The following KHDRBS3 variants were observed in gnomAD, a reference collection of about 807,000 sequenced individuals.
The protein encoded by KHDRBS3 is KH RNA binding domain containing, signal transduction associated 3.
Under a neutral mutation model 45.6 loss-of-function variants are expected in KHDRBS3, and 23 were observed. That is an observed-to-expected ratio of 0.50 (90% CI 0.36 to 0.72). The LOEUF is 0.72. Ranked by LOEUF, KHDRBS3 falls within the 30% of genes least tolerant of loss-of-function variation. KHDRBS3 has a pLI of 0.00. For missense variants in KHDRBS3, 352 were observed against 424.8 expected (o/e 0.83, Z 1.51); for synonymous variants, 162 against 156.5 (o/e 1.04, Z -0.26).
At chr8:135,549,078 T>C (rs901742015) in intron 4 of KHDRBS3, 178 bp downstream of exon 4, 1 of 404,750 alleles carries the variant, frequency 2.5e-6, no homozygotes, top group African/African-American at 2.1e-5. Flanking sequence ...ATTCCTTATG[T>C]ATATATGAGG....
At chr8:135,463,446 C>T (rs1056110166) in intron 1 of KHDRBS3, among the ~76,000 whole-genome samples, 5 of 152,092 alleles carry the variant, frequency 3.3e-5, no homozygotes, top group African/African-American at 1.2e-4. Flanking sequence ...AAAAGCATCC[C>T]AGTGCTCTTT....
intron 1 of KHDRBS3, among the ~76,000 whole-genome samples, chr8:135,520,854 C>A (rs906790957): frequency 5.3e-5 from 8 of 152,304 alleles, no homozygotes; most frequent in African/African-American, 1.9e-4. Context: ...AAAAGCCAGG[C>A]AAGATTGGTA....
chr8:135,481,523 T>C lies in KHDRBS3; in HGVS notation c.88+23569T>C, dbSNP rs190155806. ...GTATGCTTTGTGAAGGCAGGGACTG[T>C]GTATGCACGGTGCTTGAAACGAAAT... is the stretch of plus-strand genomic sequence containing the variant. On this transcript the variant is annotated intron_variant, in intron 1 of 8. Transcript: ENST00000355849. 3.9e-5 allele frequency among the ~76,000 whole-genome samples: 6 copies of C among 152,174 alleles called. No individual in the cohort carries two copies. The East Asian group carries it at 9.7e-4, about 25-fold the overall frequency.
At chr8:135,571,268 G>A (rs559594096) in intron 5 of KHDRBS3, among the ~76,000 whole-genome samples, 1 of 152,290 alleles carries the variant, frequency 6.6e-6, no homozygotes, top group South Asian at 2.1e-4. Context: ...AGCTAAGACA[G>A]TTTAGGGCAA....
chr8:135,493,531 T>C (rs1299875027), intron 1 of KHDRBS3, among the ~76,000 whole-genome samples: 1 of 152,194 alleles, frequency 6.6e-6, no homozygotes, highest in African/African-American at 2.4e-5. Flanking sequence ...AAAATACTTT[T>C]CTGCATCTCT....
At chr8:135,621,620 T>C (rs1015950825) in intron 7 of KHDRBS3, among the ~76,000 whole-genome samples, 7 of 152,020 alleles carry the variant, frequency 4.6e-5, no homozygotes, top group Non-Finnish European at 8.8e-5. Context: ...AGTTATTGTT[T>C]AGTGGGTAGA....
intron 7 of KHDRBS3, among the ~76,000 whole-genome samples, chr8:135,641,265 G>T (rs935277134): frequency 6.6e-6 from 1 of 152,300 alleles, no homozygotes; most frequent in Admixed American, 6.5e-5. Flanking sequence ...TTTAATAAAG[G>T]AGGTTTAGTT....
chr8:135,486,227 AT>A (rs1291180683), intron 1 of KHDRBS3, among the ~76,000 whole-genome samples: 2 of 151,900 alleles, frequency 1.3e-5, no homozygotes, highest in Non-Finnish European at 2.9e-5. Flanking sequence ...TAAAGGTATC[AT>A]TTTTTTCTCT....
chr8:135,605,084 A>G (rs949557945), intron 6 of KHDRBS3, among the ~76,000 whole-genome samples: 1 of 152,080 alleles, frequency 6.6e-6, no homozygotes, highest in Non-Finnish European at 1.5e-5. Flanking sequence ...GTCTTTCAGC[A>G]GTTTGACAAT....
chr8:135,475,565 G>C (rs561656982), intron 1 of KHDRBS3, among the ~76,000 whole-genome samples: 10 of 152,076 alleles, frequency 6.6e-5, no homozygotes, highest in Admixed American at 3.3e-4. Flanking sequence ...ACCCTCCTCA[G>C]GCTCCCAAAG....
chr8:135,603,964 C>A (rs1262904392), intron 6 of KHDRBS3, among the ~76,000 whole-genome samples: 1 of 151,524 alleles, frequency 6.6e-6, no homozygotes, highest in Non-Finnish European at 1.5e-5. Flanking sequence ...TCTTTTTTGA[C>A]CTTCTTTCTA....
At chr8:135,470,412 C>T (rs946990159) in intron 1 of KHDRBS3, among the ~76,000 whole-genome samples, 1 of 151,994 alleles carries the variant, frequency 6.6e-6, no homozygotes, top group African/African-American at 2.4e-5. Flanking sequence ...GGTGTACCAC[C>T]CATTCAGAAC....
intron 7 of KHDRBS3, among the ~76,000 whole-genome samples, chr8:135,613,242 A>G (rs1829777708): frequency 6.6e-6 from 1 of 151,976 alleles, no homozygotes; most frequent in South Asian, 2.1e-4. Flanking sequence ...ATGTATTATC[A>G]GAAACAGAGA....
At chr8:135,608,539 C>A (rs909429045) in intron 7 of KHDRBS3, among the ~76,000 whole-genome samples, 2 of 152,204 alleles carry the variant, frequency 1.3e-5, no homozygotes, top group Non-Finnish European at 2.9e-5. Flanking sequence ...CTGGCACTTG[C>A]TTGTGACCGA....
chr8:135,581,121 A>T (rs1405647364), intron 5 of KHDRBS3, among the ~76,000 whole-genome samples: 1 of 152,206 alleles, frequency 6.6e-6, no homozygotes, highest in Non-Finnish European at 1.5e-5. Flanking sequence ...CCAGCCTGCC[A>T]GCTGCAGTTC....
At chr8:135,631,228 G>A (rs1488312308) in intron 7 of KHDRBS3, among the ~76,000 whole-genome samples, 1 of 118,730 alleles carries the variant, frequency 8.4e-6, no homozygotes, top group East Asian at 3.0e-4. Flanking sequence ...TCCAGCCTGG[G>A]CAACAGAGCG....
intron 2 of KHDRBS3, among the ~76,000 whole-genome samples, chr8:135,533,643 G>GACCT (rs1462826206): frequency 6.6e-6 from 1 of 152,126 alleles, no homozygotes; most frequent in African/African-American, 2.4e-5. Context: ...TGTACTGATG[G>GACCT]ACCTGCTTTA....
intron 6 of KHDRBS3, among the ~76,000 whole-genome samples, chr8:135,605,682 G>A (rs994642520): frequency 3.3e-5 from 5 of 151,936 alleles, no homozygotes; most frequent in Non-Finnish European, 5.9e-5. Flanking sequence ...CCATATATAT[G>A]AGTTTCACAT....
intron 7 of KHDRBS3, among the ~76,000 whole-genome samples, chr8:135,623,112 T>A (rs919512804): frequency 6.6e-6 from 1 of 152,238 alleles, no homozygotes; most frequent in African/African-American, 2.4e-5. Flanking sequence ...GTTTCAATAC[T>A]TCATGCAAAG....
Sources: gnomAD v4.1 joint callset for allele counts (sites outside exome capture counted in the v4.1 genomes callset) on GRCh38, gnomAD v4.1.1 for gene constraint, MANE v1.5 for transcripts, NCBI Gene and HGNC (gene_info 2026-07-23, HGNC 2026-07-21) for gene names.